CRYZ: variants seen among roughly 807,000 people sequenced by gnomAD.
CRYZ encodes crystallin zeta, also known as zeta-crystallin.
CRYZ carries 35 observed loss-of-function variants against 34.1 expected under a neutral mutation model. That is an observed-to-expected ratio of 1.03 (90% CI 0.78 to 1.36). The LOEUF (loss-of-function observed/expected upper bound fraction) is 1.36, where lower values mean the gene tolerates loss of function less well. Among genes scored for constraint, CRYZ ranks in the 40% most tolerant of loss-of-function variants. The pLI, the probability that CRYZ is intolerant of heterozygous loss-of-function variation, is 0.00. For missense variants in CRYZ, 403 were observed against 391.8 expected (o/e 1.03, Z -0.24); for synonymous variants, 137 against 136.5 (o/e 1.00, Z -0.03).
intron 5 of CRYZ, among the ~76,000 whole-genome samples, chr1:74,710,764 C>T (rs538905957): frequency 1.3e-5 from 2 of 152,270 alleles, no homozygotes; most frequent in Admixed American, 6.5e-5. Context: ...CTAATTCATC[C>T]ATATGGTGAA....
intron 5 of CRYZ, 63 bp from the exon 6 acceptor site, chr1:74,710,310 A>G (rs2100695306): frequency 6.7e-7 from 1 of 1,491,240 alleles, no homozygotes; most frequent in Non-Finnish European, 9.1e-7. Context: ...ACTTAAATAC[A>G]TACAATGAAC....
At chr1:74,709,618 A>C (rs923784719) in intron 6 of CRYZ, among the ~76,000 whole-genome samples, 1 of 152,190 alleles carries the variant, frequency 6.6e-6, no homozygotes, top group African/African-American at 2.4e-5. Context: ...GCAGCAACTA[A>C]ATAAATGCCA....
chr1:74,719,317 G>A lies in CRYZ; in HGVS notation c.320C>T (p.Ala107Val). 1 of 1,613,694 alleles carries A rather than the reference G, an allele frequency of 6.2e-7. No homozygotes were observed. Among genetic ancestry groups the A allele is most frequent in the East Asian group, 2.2e-5 (1 of 44,878 alleles). ...STISGGYAEY[A>V]LAADHTVYKL... ...GTAAACAGTGTGGTCTGCTGCAAGA[G>A]CATACTCTGCATAACCCCCAGAGAT... Residue 107 changes from alanine (A) to valine (V), a missense_variant, in exon 4 of 9, where the codon GCT becomes GTT. By Grantham distance (64) the Ala-to-Val change is moderately conservative. Transcript: ENST00000340866.
chr1:74,706,392 C>T lies in CRYZ; in HGVS notation c.894G>A (p.Val298=). Residue 298 remains valine (V), a synonymous_variant, in exon 9 of 9, where the codon GTG becomes GTA. Transcript: ENST00000340866. ...TCTCCAATGGATATTGAGAACCTAT[C>T]ACAGGTTTCAACCAGCCAATTTCCA... ...AGMEIGWLKP[V]IGSQYPLEKV... is the part of the protein sequence containing the mutation. 1 of 1,612,854 alleles carries T rather than the reference C, an allele frequency of 6.2e-7. No individual in the cohort carries two copies. Among genetic ancestry groups the T allele is most frequent in the Non-Finnish European group, 8.5e-7 (1 of 1,179,322 alleles).
chr1:74,723,417 A>T, intron 2 of CRYZ, 147 bp from the exon 3 acceptor site: 1 of 687,818 alleles, frequency 1.5e-6, no homozygotes, highest in African/African-American at 1.8e-5. Flanking sequence ...TCACATTCCA[A>T]GTTTTACAAG....
At chr1:74,719,656 C>T (rs373473009) in intron 3 of CRYZ, among the ~76,000 whole-genome samples, 3 of 151,784 alleles carry the variant, frequency 2.0e-5, no homozygotes, top group Non-Finnish European at 4.4e-5. Flanking sequence ...CCACCACACC[C>T]GGCTGATTTT....
Position 74,706,295 on chromosome 1 carries a change from A to G in CRYZ, c.*1T>C, listed in dbSNP as rs1453053893. 3.1e-6 allele frequency: 5 copies of G among 1,599,508 alleles called. No individual in the cohort carries two copies. In the South Asian group the frequency reaches 5.7e-5, roughly 18 times the overall value. On this transcript the variant is annotated 3_prime_UTR_variant, in exon 9 of 9. Transcript: ENST00000340866. ...TAGGAAATCCATGAAAGAATTAATC[A>G]TCATAAGAGAAGAATCATTTTTCCA...
At chr1:74,712,144 C>A (rs1025459126) in intron 5 of CRYZ, among the ~76,000 whole-genome samples, 4 of 152,122 alleles carry the variant, frequency 2.6e-5, no homozygotes, top group African/African-American at 9.7e-5. Flanking sequence ...GACAAAAGAG[C>A]AATTACTTAA....
Position 74,706,619 on chromosome 1 carries a change from T to C in CRYZ, c.829-162A>G, listed in dbSNP as rs548188534. On this transcript the variant is annotated intron_variant, in intron 8 of 8. Coordinates refer to ENST00000340866, the MANE Select transcript of CRYZ (RefSeq NM_001889.4). ...CAGAACTATAGAAAAAGTAGTTATC[T>C]ACAGGGTAACCATAAATCCCATCTG... is the stretch of plus-strand genomic sequence containing the variant. 2.0e-5 allele frequency among the ~76,000 whole-genome samples: 3 copies of C among 152,282 alleles called. No individual in the cohort carries two copies. The East Asian group carries it at 5.8e-4, about 29-fold the overall frequency.
chr1:74,730,874 T>C (rs1484401359), intron 1 of CRYZ, among the ~76,000 whole-genome samples: 2 of 152,214 alleles, frequency 1.3e-5, no homozygotes, highest in Admixed American at 1.3e-4. Context: ...GAATCGCATA[T>C]TTTATGACTA....
intron 6 of CRYZ, 127 bp downstream of exon 6, chr1:74,709,971 A>C: frequency 1.4e-6 from 1 of 716,234 alleles, no homozygotes; most frequent in Non-Finnish European, 2.3e-6. Context: ...ACACGCATAA[A>C]AATTCATCGC....
intron 1 of CRYZ, 39 bp downstream of exon 1, chr1:74,732,917 C>T (rs1037565063): frequency 1.3e-4 from 37 of 286,136 alleles, no homozygotes; most frequent in Middle Eastern, 2.1e-3. Flanking sequence ...GGGAGATTCG[C>T]TGTCTAAACA....
chr1:74,710,714 C>T (rs569786855), intron 5 of CRYZ, among the ~76,000 whole-genome samples: 283 of 152,268 alleles, frequency 1.9e-3, no homozygotes, highest in Non-Finnish European at 3.4e-3. Flanking sequence ...GTAAGGCCTC[C>T]ACCATTTAAG....
rs141476295 is a variant in CRYZ, at chr1:74,707,050, T to C, written c.732+53A>G. 2.7e-3 allele frequency: 4,235 copies of C among 1,559,810 alleles called. 7 individuals are homozygous for C. The highest frequency in any genetic ancestry group is 3.1e-3 in the Non-Finnish European group (3,516 of 1,146,862). ...AAGATTACTGTAAAATAGTGTTAAA[T>C]TGTGGTAAAACATTAAAGTGGTAAA... On this transcript the variant is annotated intron_variant, in intron 7 of 8. Transcript: ENST00000340866.
At chr1:74,719,509 T>C (rs944153714) in intron 3 of CRYZ, 137 bp from the exon 4 acceptor site, 4 of 761,658 alleles carry the variant, frequency 5.3e-6, no homozygotes, top group Non-Finnish European at 7.7e-6. Context: ...AATTTTTTTT[T>C]TTTTGAGACA....
At chr1:74,724,296 G>C (rs1647226725) in intron 2 of CRYZ, among the ~76,000 whole-genome samples, 2 of 152,112 alleles carry the variant, frequency 1.3e-5, no homozygotes, top group African/African-American at 4.8e-5. Context: ...AAAGTCACTG[G>C]AGATGATTAA....
rs5775262 is a variant in CRYZ at position 74,729,478 on chromosome 1, C to CAAAA, written c.-14+3474_-14+3477dup. 1.5e-4 allele frequency among the ~76,000 whole-genome samples: 19 copies of CAAAA among 123,930 alleles called. No individual in the cohort carries two copies. The East Asian group carries it at 3.9e-3, about 25-fold the overall frequency. 81.3% of individuals were successfully genotyped at this position (123,930 alleles called of 152,430 possible). A position where few individuals can be genotyped will look rare whatever the true frequency, so the allele number is the denominator to read the frequency against. ...GCAACATGGCGAAATGCCATCTCTA[C>CAAAA]AAAAAAAAAAAAAAAAATTATCTAG... is the stretch of plus-strand genomic sequence containing the variant. On this transcript the variant is annotated intron_variant, in intron 1 of 8. Coordinates refer to ENST00000340866, the MANE Select transcript of CRYZ (RefSeq NM_001889.4).
chr1:74,714,778 C>A, intron 4 of CRYZ, 148 bp from the exon 5 acceptor site: 3 of 673,876 alleles, frequency 4.5e-6, no homozygotes, highest in South Asian at 1.8e-5. Context: ...CCCAAATATT[C>A]CCTAAGCTCC....
intron 2 of CRYZ, 141 bp downstream of exon 2, chr1:74,724,570 G>A: frequency 1.9e-6 from 1 of 534,256 alleles, no homozygotes. Flanking sequence ...CTTTATCAAT[G>A]TCCATATGTA....
Sources: allele counts gnomAD v4.1 joint callset (sites outside exome capture counted in the v4.1 genomes callset), GRCh38; gene constraint gnomAD v4.1.1; transcripts MANE v1.5; gene names NCBI Gene and HGNC (gene_info 2026-07-23, HGNC 2026-07-21).